Variants in CABCOCO1 observed in about 807,000 individuals in gnomAD.
The protein encoded by CABCOCO1 is ciliary-associated calcium-binding coiled-coil protein 1.
Under a neutral mutation model 35.7 loss-of-function variants are expected in CABCOCO1, and 28 were observed. The observed-to-expected ratio is 0.78, with a 90% confidence interval of 0.58 to 1.07. CABCOCO1 has a LOEUF of 1.07. Ranked by LOEUF, CABCOCO1 falls within the 50% of genes least tolerant of loss-of-function variation. CABCOCO1 has a pLI of 0.00. For missense variants in CABCOCO1, 326 were observed against 309.2 expected (o/e 1.05, Z -0.41); for synonymous variants, 95 against 100.1 (o/e 0.95, Z 0.30).
At chr10:61,756,268 G>A (rs967828163) in intron 5 of CABCOCO1, among the ~76,000 whole-genome samples, 6 of 152,110 alleles carry the variant, frequency 3.9e-5, no homozygotes, top group Admixed American at 2.0e-4. Flanking sequence ...CAATGTGCAC[G>A]TAATGAACAA....
At chr10:61,741,734 C>G (rs1048326373) in intron 5 of CABCOCO1, among the ~76,000 whole-genome samples, 1 of 151,988 alleles carries the variant, frequency 6.6e-6, no homozygotes, top group African/African-American at 2.4e-5. Flanking sequence ...GAATATGAAG[C>G]CCAAAAAAGT....
Position 61,731,951 on chromosome 10 carries a change from A to C in CABCOCO1, c.553-28108A>C, listed in dbSNP as rs138217728. 2.0e-3 allele frequency among the ~76,000 whole-genome samples: 308 copies of C among 152,190 alleles called. 5 individuals carry two copies. The highest frequency in any genetic ancestry group is 0.015 in the Admixed American group (228 of 15,260). ...TTTGATTACAATTTACCTGTTCTAA[A>C]ATTTCTAAACAATGAAGAATCTCAT... On this transcript the variant is annotated intron_variant, in intron 5 of 7. Coordinates refer to ENST00000648843, the MANE Select transcript of CABCOCO1 (RefSeq NM_001366906.2).
At chr10:61,751,542 G>T (rs1299638394) in intron 5 of CABCOCO1, among the ~76,000 whole-genome samples, 1 of 152,072 alleles carries the variant, frequency 6.6e-6, no homozygotes, top group Non-Finnish European at 1.5e-5. Flanking sequence ...GAGCAGGTTT[G>T]GGGAAGGTAA....
chr10:61,723,127 TAAAAG>T lies in CABCOCO1; in HGVS notation c.552+32509_552+32513del, dbSNP rs375353635. Among the ~76,000 whole-genome samples the T allele has an allele frequency of 3.9e-4, 60 of 152,308 alleles. 1 individual carries two copies. In the South Asian group the frequency reaches 0.012, roughly 31 times the overall value. Reference sequence around the variant, plus strand: ...TGGCAAGTAGAATTCAGCAACACTTTAAAAGAATAACACGTCATGATCAAGTGGAG... The same window carrying T: ...TGGCAAGTAGAATTCAGCAACACTTTAATAACACGTCATGATCAAGTGGAG... On this transcript the variant is annotated intron_variant, in intron 5 of 7. Coordinates refer to ENST00000648843, the MANE Select transcript of CABCOCO1 (RefSeq NM_001366906.2).
chr10:61,731,737 G>T (rs1841306465), intron 5 of CABCOCO1, among the ~76,000 whole-genome samples: 1 of 146,878 alleles, frequency 6.8e-6, no homozygotes, highest in Non-Finnish European at 1.5e-5. Context: ...GGAAGGGAGG[G>T]AGGGAGGAAG....
chr10:61,685,558 C>T (rs2393833), intron 3 of CABCOCO1, among the ~76,000 whole-genome samples: 35,327 of 151,900 alleles, frequency 0.23, 4,311 homozygotes, highest in African/African-American at 0.3. Flanking sequence ...CAAATGTTGG[C>T]GCAGGGTCAG....
intron 7 of CABCOCO1, among the ~76,000 whole-genome samples, chr10:61,763,863 G>A (rs1381433433): frequency 6.6e-6 from 1 of 151,662 alleles, no homozygotes; most frequent in Non-Finnish European, 1.5e-5. Flanking sequence ...AAGTTCTGAA[G>A]AATGACAAGG....
intron 5 of CABCOCO1, among the ~76,000 whole-genome samples, chr10:61,702,087 G>A (rs1030721880): frequency 1.4e-4 from 21 of 152,212 alleles, no homozygotes; most frequent in Admixed American, 9.2e-4. Flanking sequence ...GCAGAGAGAC[G>A]GCACTTTAAG....
At chr10:61,712,924 T>C (rs1171899333) in intron 5 of CABCOCO1, among the ~76,000 whole-genome samples, 1 of 152,246 alleles carries the variant, frequency 6.6e-6, no homozygotes, top group Non-Finnish European at 1.5e-5. Context: ...TAGTATAGTT[T>C]GAAGTCAGGT....
chr10:61,745,309 C>T (rs61850519), intron 5 of CABCOCO1, among the ~76,000 whole-genome samples: 2,057 of 152,214 alleles, frequency 0.014, 27 homozygotes, highest in South Asian at 0.047. Flanking sequence ...TTTTTATATT[C>T]CAGGTCACTT....
intron 5 of CABCOCO1, among the ~76,000 whole-genome samples, chr10:61,741,289 A>G (rs1299791505): frequency 6.6e-6 from 1 of 152,186 alleles, no homozygotes; most frequent in Non-Finnish European, 1.5e-5. Flanking sequence ...ATAGAAGTGA[A>G]TCATATGACA....
In CABCOCO1 at chr10:61,666,929, A is replaced by G. The variant is rs28581213; in HGVS notation, c.60+3897A>G. Among the ~76,000 whole-genome samples, 11 of 125,508 alleles carry G rather than the reference A, an allele frequency of 8.8e-5. No homozygotes were observed. In the East Asian group the frequency reaches 1.4e-3, roughly 16 times the overall value. 82.3% of individuals were successfully genotyped at this position (125,508 alleles called of 152,430 possible). The stretch of plus-strand genomic sequence containing the variant: ...ATTATATATAAATTTCATATATTAT[A>G]TATAAATATAATTATATATTATGTA... On this transcript the variant is annotated intron_variant, in intron 1 of 7. Transcript: ENST00000648843.
chr10:61,746,040 T>C (rs774846215), intron 5 of CABCOCO1, among the ~76,000 whole-genome samples: 4 of 152,212 alleles, frequency 2.6e-5, no homozygotes, highest in Non-Finnish European at 5.9e-5. Context: ...TAGGTCAACA[T>C]ATATTGGCTG....
At chr10:61,754,908 T>C (rs1395245489) in intron 5 of CABCOCO1, among the ~76,000 whole-genome samples, 1 of 152,158 alleles carries the variant, frequency 6.6e-6, no homozygotes, top group African/African-American at 2.4e-5. Context: ...TGTCTATTCA[T>C]ACTCTGCAGA....
chr10:61,686,073 T>C lies in CABCOCO1; in HGVS notation c.367T>C (p.Trp123Arg). Residue 123 changes from tryptophan (W) to arginine (R), a missense_variant, in exon 4 of 8, where the codon TGG (tryptophan) becomes CGG (arginine). Transcript: ENST00000648843. ...TATGTCCTTAGAGGAAAGCATAAAA[T>C]GGCTTGGAGAAGTTATGGCTGAAAT... is the stretch of plus-strand genomic sequence containing the variant. ...LHMSLEESIK[W>R]LGEVMAEIGP... The C allele has an allele frequency of 6.2e-7, 1 of 1,606,962 alleles. No homozygotes were observed. The highest frequency in any genetic ancestry group is 8.5e-7 in the Non-Finnish European group (1 of 1,178,240).
chr10:61,672,585 A>G, intron 1 of CABCOCO1, 47 bp from the exon 2 acceptor site: 3 of 454,466 alleles, frequency 6.6e-6, no homozygotes, highest in Non-Finnish European at 8.7e-6. Flanking sequence ...GGTTTAATAT[A>G]TGAAACGTAC....
chr10:61,690,619 G>C lies in CABCOCO1; in HGVS notation c.550G>C (p.Glu184Gln). 6.3e-7 allele frequency: 1 copy of C among 1,585,782 alleles called. No individual in the cohort carries two copies. Among genetic ancestry groups the C allele is most frequent in the Non-Finnish European group, 8.7e-7 (1 of 1,155,770 alleles). Residue 184 changes from glutamate (E) to glutamine (Q), a missense_variant and splice_region_variant, in exon 5 of 8, where the codon GAG (glutamate) becomes CAG (glutamine). By Grantham distance (29) the Glu-to-Gln change is conservative. Transcript: ENST00000648843. ...CAGGGAAGAAATTGTGATAGGAACT[G>C]AGGTAAGTAATTTATCTAGATGGAA... ...SAREEIVIGT[E>Q]QVIEVVKSAC...
In CABCOCO1 at chr10:61,663,023, C is replaced by G. The variant is rs577209106; in HGVS notation, c.51C>G (p.Pro17=). 0.014 allele frequency: 1,276 copies of G among 92,386 alleles called. 10 individuals are homozygous for G. Among genetic ancestry groups the G allele is most frequent in the South Asian group, 0.045 (474 of 10,474 alleles). The allele number at this position is 92,386 out of a possible 1,614,324, so 5.7% of individuals were successfully genotyped here. A position where few individuals can be genotyped will look rare whatever the true frequency, so the allele number is the denominator to read the frequency against. Residue 17 remains proline (P), a synonymous_variant, in exon 1 of 8, where the codon CCC becomes CCG. Coordinates refer to ENST00000648843, the MANE Select transcript of CABCOCO1 (RefSeq NM_001366906.2). The part of the protein sequence containing the change: ...PWGPTPAGTT[P]ESERDTEFQE... Reference sequence around the variant, plus strand: ...GGCCGACCCCGGCGGGAACCACGCCCGAATCGGAGGTACACCGCCCCTTTC... The same window carrying G: ...GGCCGACCCCGGCGGGAACCACGCCGGAATCGGAGGTACACCGCCCCTTTC...
chr10:61,711,343 T>C (rs1276131661), intron 5 of CABCOCO1, among the ~76,000 whole-genome samples: 2 of 151,900 alleles, frequency 1.3e-5, no homozygotes, highest in Non-Finnish European at 2.9e-5. Context: ...ATTGGTTTTA[T>C]AAGTATCAGA....
Sources: gnomAD v4.1 joint callset for allele counts (sites outside exome capture counted in the v4.1 genomes callset) on GRCh38, gnomAD v4.1.1 for gene constraint, MANE v1.5 for transcripts, NCBI Gene and HGNC (gene_info 2026-07-23, HGNC 2026-07-21) for gene names.